The following PCDHAC2 variants were observed in gnomAD, a reference collection of about 807,000 sequenced individuals.
PCDHAC2 encodes the protein protocadherin alpha subfamily C, 2, also known as protocadherin alpha-C2.
PCDHAC2 carries 24 observed loss-of-function variants against 63.3 expected under a neutral mutation model. The observed-to-expected ratio is 0.38, with a 90% CI of 0.27 to 0.53. The LOEUF (loss-of-function observed/expected upper bound fraction) is 0.53, where lower values mean the gene tolerates loss of function less well. PCDHAC2 is among the 20% of genes least tolerant of loss of function. PCDHAC2 has a pLI of 0.81. For synonymous variants in PCDHAC2, 569 were observed against 529.4 expected (o/e 1.07, Z -1.03); for missense variants, 1,181 against 1,275.2 (o/e 0.93, Z 1.12).
In PCDHAC2 at chr5:140,969,177, A is replaced by C; in HGVS notation, c.2411A>C (p.Asp804Ala). The C allele has an allele frequency of 1.2e-6, 2 of 1,614,086 alleles. No homozygotes were observed. The highest frequency in any genetic ancestry group is 1.7e-6 in the Non-Finnish European group (2 of 1,179,992). Residue 804 changes from aspartate (D) to alanine (A), a missense_variant, in exon 1 of 4, where the codon GAC becomes GCC. Physicochemically the swap from Asp to Ala is moderately radical, Grantham distance 126. Transcript: ENST00000289269. ...TGTCTGACAGCAGGCTCAGGGAGTG[A>C]CACTTTCATGTTTTACAATACAGGG... ...KACLTAGSGS[D>A]TFMFYNTGAQ...
In PCDHAC2 at chr5:140,969,204, C is replaced by T. The variant is rs1453693936; in HGVS notation, c.2438C>T (p.Ala813Val). The change falls in exon 1 of 4, where the codon GCC becomes GTC. Residue 813 changes from alanine (A) to valine (V), a missense_variant. Coordinates refer to ENST00000289269, the MANE Select transcript of PCDHAC2 (RefSeq NM_018899.6). The stretch of plus-strand genomic sequence containing the variant: ...ACTTTCATGTTTTACAATACAGGGG[C>T]CCAGACAGGACCAGGGCCTTCGGGA... ...SDTFMFYNTG[A>V]QTGPGPSGAQ... 51 of 1,613,996 alleles carry T rather than the reference C, an allele frequency of 3.2e-5. No individual in the cohort carries two copies. Among genetic ancestry groups the T allele is most frequent in the African/African-American group, 1.5e-4 (11 of 74,906 alleles).
chr5:140,970,400 C>T (rs1586425210), intron 1 of PCDHAC2, among the ~76,000 whole-genome samples: 1 of 152,162 alleles, frequency 6.6e-6, no homozygotes, highest in Non-Finnish European at 1.5e-5. Context: ...AAGTGGATGG[C>T]TTACCCTACA....
At chr5:141,004,952 C>T (rs543938360) in intron 3 of PCDHAC2, among the ~76,000 whole-genome samples, 52 of 152,346 alleles carry the variant, frequency 3.4e-4, no homozygotes, top group African/African-American at 1.2e-3. Context: ...TACCCTCTCT[C>T]GTCACTGCCT....
At chr5:140,987,429 G>T (rs1402576200) in intron 3 of PCDHAC2, among the ~76,000 whole-genome samples, 2 of 152,096 alleles carry the variant, frequency 1.3e-5, no homozygotes, top group Admixed American at 1.3e-4. Flanking sequence ...GAAGCAGGGG[G>T]CCTTTCCCCA....
In PCDHAC2 at chr5:140,992,699, T is replaced by A. The variant is rs149489820; in HGVS notation, c.2713+10136T>A. Among the ~76,000 whole-genome samples the A allele has an allele frequency of 7.6e-3, 1,153 of 152,282 alleles. 6 individuals carry two copies. The highest frequency in any genetic ancestry group is 0.014 in the Middle Eastern group (4 of 294). On this transcript the variant is annotated intron_variant, in intron 3 of 3. Transcript: ENST00000289269. ...GTGTTAGGGGTTGAGGGGTGGGTAA[T>A]GTTCCTGCCAGTATTCGTAAATCCC...
intron 1 of PCDHAC2, among the ~76,000 whole-genome samples, chr5:140,977,234 A>G (rs2096751203): frequency 1.3e-5 from 2 of 152,242 alleles, no homozygotes; most frequent in Non-Finnish European, 2.9e-5. Flanking sequence ...CCAATCATAG[A>G]AAAATTGGCA....
intron 1 of PCDHAC2, among the ~76,000 whole-genome samples, chr5:140,978,124 G>A (rs1554239035): frequency 6.6e-6 from 1 of 152,140 alleles, no homozygotes; most frequent in East Asian, 1.9e-4. Context: ...GTCTTTAGGT[G>A]CCCATATTTT....
intron 2 of PCDHAC2, among the ~76,000 whole-genome samples, chr5:140,981,337 G>A (rs2096927522): frequency 6.6e-6 from 1 of 152,146 alleles, no homozygotes; most frequent in African/African-American, 2.4e-5. Context: ...ACTTTGGGAG[G>A]GTGAGGCAGG....
At chr5:140,988,253 C>A (rs982953260) in intron 3 of PCDHAC2, among the ~76,000 whole-genome samples, 1 of 152,188 alleles carries the variant, frequency 6.6e-6, no homozygotes, top group Non-Finnish European at 1.5e-5. Context: ...CAGCTCCCGC[C>A]TGTGAGTATC....
At chr5:140,975,068 C>G (rs1273763502) in intron 1 of PCDHAC2, among the ~76,000 whole-genome samples, 2 of 152,134 alleles carry the variant, frequency 1.3e-5, no homozygotes, top group Non-Finnish European at 2.9e-5. Context: ...CGAGCTCATT[C>G]AGATTGTTGG....
Position 140,966,903 on chromosome 5 carries a change from A to G in PCDHAC2, c.137A>G (p.Tyr46Cys), listed in dbSNP as rs1554228870. 2 of 1,599,926 alleles carry G rather than the reference A, an allele frequency of 1.3e-6. No homozygotes were observed. The highest frequency in any genetic ancestry group is 2.2e-5 in the South Asian group (2 of 90,196). ...LPGPAASQLR[Y>C]SVPEEQAPGA... ...GGCCCTGCGGCCTCCCAGCTGCGAT[A>G]CTCTGTGCCAGAGGAGCAGGCACCC... Residue 46 changes from tyrosine (Y) to cysteine (C), a missense_variant, in exon 1 of 4, where the codon TAC becomes TGC. Physicochemically the swap from Tyr to Cys is radical, Grantham distance 194 (BLOSUM62 -2). Transcript: ENST00000289269.
chr5:141,002,399 T>C (rs1352771753), intron 3 of PCDHAC2, among the ~76,000 whole-genome samples: 1 of 152,236 alleles, frequency 6.6e-6, no homozygotes, highest in African/African-American at 2.4e-5. Context: ...GGCATCTCTG[T>C]GCCTCCCAAA....
chr5:141,009,471 G>A, intron 3 of PCDHAC2, 156 bp from the exon 4 acceptor site: 1 of 961,136 alleles, frequency 1.0e-6, no homozygotes, highest in Non-Finnish European at 1.2e-6. Context: ...AAATAAATAA[G>A]TAAACACTTG....
intron 3 of PCDHAC2, among the ~76,000 whole-genome samples, chr5:140,985,216 C>G (rs1009954667): frequency 1.3e-5 from 2 of 152,186 alleles, no homozygotes; most frequent in Non-Finnish European, 2.9e-5. Flanking sequence ...GGATTACAGG[C>G]GTGAGCCACC....
intron 3 of PCDHAC2, among the ~76,000 whole-genome samples, chr5:141,004,852 GA>G (rs1474938614): frequency 6.6e-6 from 1 of 152,202 alleles, no homozygotes; most frequent in African/African-American, 2.4e-5. Flanking sequence ...TAGTCTCAGA[GA>G]AAAAATTTGT....
chr5:140,997,156 C>G (rs1266627646), intron 3 of PCDHAC2, among the ~76,000 whole-genome samples: 1 of 152,106 alleles, frequency 6.6e-6, no homozygotes, highest in Non-Finnish European at 1.5e-5. Flanking sequence ...CAGTGACATC[C>G]TGCCCAGAGT....
chr5:140,971,599 A>G (rs891227830), intron 1 of PCDHAC2, among the ~76,000 whole-genome samples: 1 of 152,140 alleles, frequency 6.6e-6, no homozygotes, highest in African/African-American at 2.4e-5. Flanking sequence ...GTTACTACAG[A>G]TGGCAGGAGA....
intron 3 of PCDHAC2, among the ~76,000 whole-genome samples, chr5:140,997,500 C>T (rs567570276): frequency 5.3e-4 from 80 of 152,250 alleles, no homozygotes; most frequent in South Asian, 3.9e-3. Context: ...TGTATCTCAA[C>T]ATACCTAAAC....
In PCDHAC2 at chr5:140,968,629, T is replaced by C; in HGVS notation, c.1863T>C (p.Phe621=). The part of the protein sequence containing the change: ...DSDSGQNAWL[F]YHLAQTSDLD... ...ACTCTGGGCAAAATGCTTGGCTTTT[T>C]TACCATCTAGCCCAGACTTCTGACC... is the stretch of plus-strand genomic sequence containing the variant. Residue 621 remains phenylalanine (F), a synonymous_variant, in exon 1 of 4, where the codon TTT becomes TTC. Transcript: ENST00000289269. 1 of 1,614,174 alleles carries C rather than the reference T, an allele frequency of 6.2e-7. No homozygotes were observed. Among genetic ancestry groups the C allele is most frequent in the Non-Finnish European group, 8.5e-7 (1 of 1,180,042 alleles).
Sources: allele counts gnomAD v4.1 joint callset (sites outside exome capture counted in the v4.1 genomes callset), GRCh38; gene constraint gnomAD v4.1.1; transcripts MANE v1.5; gene names NCBI Gene and HGNC (gene_info 2026-07-23, HGNC 2026-07-21).